Variants in FARS2 observed in about 807,000 individuals in gnomAD.
FARS2 encodes the protein phenylalanyl-tRNA synthetase 2, mitochondrial, also known as phenylalanine--tRNA ligase, mitochondrial.
Under a neutral mutation model 46.4 loss-of-function variants are expected in FARS2, and 40 were observed. The ratio of observed to expected loss-of-function variants is 0.86; its 90% CI spans 0.67 to 1.12. FARS2 has a LOEUF of 1.12. Ranked by LOEUF, FARS2 falls within the 50% of genes most tolerant of loss-of-function variation. FARS2 has a pLI of 0.00. For synonymous variants in FARS2, 234 were observed against 214.9 expected, an observed-to-expected ratio of 1.09 and a Z score of -0.78; for missense variants, 513 against 567.9, an observed-to-expected ratio of 0.90 and a Z score of 0.98.
intron 6 of FARS2, chr6:5,694,894 C>T (rs1758003107): frequency 6.6e-6 from 1 of 151,348 alleles, no homozygotes; most frequent in African/African-American, 2.4e-5. Context: ...GTAGTCCTGG[C>T]CATTGGGGAG....
chr6:5,467,179 A>G, intron 4 of FARS2: 1 of 611,530 alleles, frequency 1.6e-6, no homozygotes, highest in Non-Finnish European at 2.0e-6. Context: ...ACATTTTTTG[A>G]CTGTATGAAT....
chr6:5,316,519 G>T (rs2127557199), intron 1 of FARS2, among the ~76,000 whole-genome samples: 1 of 152,310 alleles, frequency 6.6e-6, no homozygotes, highest in East Asian at 1.9e-4. Flanking sequence ...CTGCTGCCCT[G>T]AGAAGTGGAG....
chr6:5,636,039 C>G (rs183934700), intron 6 of FARS2, among the ~76,000 whole-genome samples: 2 of 152,028 alleles, frequency 1.3e-5, no homozygotes, highest in East Asian at 3.9e-4. Flanking sequence ...TATACTCATT[C>G]ACAAACAGCA....
chr6:5,398,571 CT>C (rs888320224), intron 2 of FARS2, among the ~76,000 whole-genome samples: 28 of 152,104 alleles, frequency 1.8e-4, no homozygotes, highest in Non-Finnish European at 3.8e-4. Context: ...AACTCTGTTC[CT>C]TTTTTATTAA....
chr6:5,434,596 C>G (rs1763412882), intron 4 of FARS2, among the ~76,000 whole-genome samples: 1 of 152,172 alleles, frequency 6.6e-6, no homozygotes, highest in Admixed American at 6.5e-5. Flanking sequence ...TGTAAACTGC[C>G]TGGCAGTCAC....
chr6:5,431,068 A>T lies in FARS2; in HGVS notation c.800A>T (p.Tyr267Phe). 2.5e-6 allele frequency: 4 copies of T among 1,613,908 alleles called. No individual in the cohort carries two copies. The highest frequency in any genetic ancestry group is 3.3e-4 in the Middle Eastern group (2 of 6,062). The change falls in exon 4 of 7, where the codon TAC becomes TTC. Residue 267 changes from tyrosine (Y) to phenylalanine (F), a missense_variant. Transcript: ENST00000274680. ...CTGGAGATAAGATGGGTAGACTGCT[A>T]CTTCCCTTTTACACATCCTTCCTTT... ...DELEIRWVDC[Y>F]FPFTHPSFEM...
chr6:5,432,325 A>T (rs371259225), intron 4 of FARS2, among the ~76,000 whole-genome samples: 4,277 of 46,760 alleles, frequency 0.091, 99 homozygotes, highest in Non-Finnish European at 0.14. Context: ...AAAAAAAAAA[A>T]AAATATATAT....
chr6:5,435,299 A>T (rs1763456084), intron 4 of FARS2, among the ~76,000 whole-genome samples: 1 of 152,270 alleles, frequency 6.6e-6, no homozygotes, highest in South Asian at 2.1e-4. Context: ...GTTACCTCTA[A>T]GGAAGGGCTA....
rs1162472812 is a variant in FARS2 at position 5,621,879 on chromosome 6, GCT to G, written c.1217+8562_1217+8563del. On this transcript the variant is annotated intron_variant, in intron 6 of 6. Transcript: ENST00000274680. ...GACCCTCAGCCTCTGGGTGCCTCTG[GCT>G]CTGTTTCTGTCCTTCCTTCTGCTGG... is the stretch of plus-strand genomic sequence containing the variant. Among the ~76,000 whole-genome samples, 11 of 152,294 alleles carry G rather than the reference GCT, an allele frequency of 7.2e-5. No individual in the cohort carries two copies. In the Middle Eastern group the frequency reaches 0.017, roughly 235 times the overall value.
intron 4 of FARS2, among the ~76,000 whole-genome samples, chr6:5,485,226 A>T (rs1187617808): frequency 6.6e-6 from 1 of 152,052 alleles, no homozygotes; most frequent in African/African-American, 2.4e-5. Context: ...GTGGTGTCTC[A>T]CTTTTCTCCT....
intron 6 of FARS2, among the ~76,000 whole-genome samples, chr6:5,715,004 A>G (rs1462776887): frequency 6.6e-6 from 1 of 152,194 alleles, no homozygotes; most frequent in Non-Finnish European, 1.5e-5. Flanking sequence ...CAGCCTGGGC[A>G]ACAGAGCGAG....
chr6:5,260,571 A>C, upstream of FARS2: 2 of 1,512,444 alleles, frequency 1.3e-6, no homozygotes, highest in African/African-American at 1.4e-5. Flanking sequence ...GTCCCCGGGG[A>C]TATTCCGCGT....
At position 5,563,301 on chromosome 6, in the gene FARS2, G is replaced by C. The variant is rs76782930; in HGVS notation, c.1065+17961G>C. Among the ~76,000 whole-genome samples the C allele has an allele frequency of 7.8e-3, 1,180 of 152,234 alleles. 10 individuals carry two copies. The highest frequency in any genetic ancestry group is 0.011 in the Non-Finnish European group (742 of 68,014). ...CAGGGCACAATAATGTTATATACAC[G>C]TGGGAATATGTGGGGGCAGCCACAT... On this transcript the variant is annotated intron_variant, in intron 5 of 6. Transcript: ENST00000274680.
chr6:5,420,736 T>A (rs918968382), intron 3 of FARS2, among the ~76,000 whole-genome samples: 1 of 152,162 alleles, frequency 6.6e-6, no homozygotes, highest in African/African-American at 2.4e-5. Context: ...AGGCTGGTGT[T>A]GAGTGTCTGC....
chr6:5,750,130 A>T (rs1258515700), intron 6 of FARS2, among the ~76,000 whole-genome samples: 3 of 152,118 alleles, frequency 2.0e-5, no homozygotes, highest in Admixed American at 2.0e-4. Context: ...GGAAAAGACA[A>T]GTGTCAGACC....
chr6:5,553,033 A>G (rs1661547732), intron 5 of FARS2, among the ~76,000 whole-genome samples: 1 of 152,218 alleles, frequency 6.6e-6, no homozygotes, highest in South Asian at 2.1e-4. Context: ...AAATTACTCA[A>G]CATTGTACAT....
In FARS2 at chr6:5,425,012, T is replaced by C. The variant is rs573607256; in HGVS notation, c.773-6029T>C. Among the ~76,000 whole-genome samples, 7 of 152,316 alleles carry C rather than the reference T, an allele frequency of 4.6e-5. No homozygotes were observed. In the South Asian group the frequency reaches 1.5e-3, roughly 32 times the overall value. The stretch of plus-strand genomic sequence containing the variant: ...GAGAGTCCCCTCCTTCCTTTTTCTT[T>C]CCACGTTCCTTTCCTTCCTTGGATA... On this transcript the variant is annotated intron_variant, in intron 3 of 6. Coordinates refer to ENST00000274680, the MANE Select transcript of FARS2 (RefSeq NM_006567.5).
upstream of FARS2, chr6:5,260,625 G>GCCCCCCCC: frequency 1.0e-6 from 1 of 983,726 alleles, no homozygotes; most frequent in Non-Finnish European, 1.5e-6. Context: ...CCCGCCCCCG[G>GCCCCCCCC]CCCCCGGTGC....
At chr6:5,469,892 A>G (rs1306053129) in intron 4 of FARS2, among the ~76,000 whole-genome samples, 1 of 152,158 alleles carries the variant, frequency 6.6e-6, no homozygotes, top group East Asian at 1.9e-4. Context: ...GTCATTTGTC[A>G]TTTGTGTGCC....
Sources: allele counts gnomAD v4.1 joint callset (sites outside exome capture counted in the v4.1 genomes callset), GRCh38; gene constraint gnomAD v4.1.1; transcripts MANE v1.5; gene names NCBI Gene and HGNC (gene_info 2026-07-23, HGNC 2026-07-21).